The following ZBTB20 variants were observed in gnomAD, a reference collection of about 807,000 sequenced individuals.
ZBTB20 encodes zinc finger and BTB domain-containing protein 20.
A neutral mutation model predicts 56.9 loss-of-function variants in ZBTB20; 9 were observed. The observed-to-expected ratio is 0.16, with a 90% CI of 0.10 to 0.28. ZBTB20 has a LOEUF of 0.28. Ranked by LOEUF, ZBTB20 falls within the 10% of genes least tolerant of loss-of-function variation. ZBTB20 has a pLI of 1.00. For synonymous variants in ZBTB20, 417 were observed against 420.7 expected (o/e 0.99, Z 0.11); for missense variants, 655 against 1,003.0 (o/e 0.65, Z 4.69).
At chr3:115,112,662 T>C (rs1191272032) in intron 1 of ZBTB20, among the ~76,000 whole-genome samples, 2 of 152,336 alleles carry the variant, frequency 1.3e-5, no homozygotes, top group East Asian at 1.9e-4. Flanking sequence ...TAGTATTTCA[T>C]TGTGTGTATA....
chr3:114,807,912 T>C (rs1468538965), intron 4 of ZBTB20, among the ~76,000 whole-genome samples: 1 of 152,148 alleles, frequency 6.6e-6, no homozygotes, highest in Admixed American at 6.6e-5. Flanking sequence ...TGTTGAGTTT[T>C]GGTGTCTATA....
At chr3:114,815,999 A>G (rs1049034627) in intron 4 of ZBTB20, among the ~76,000 whole-genome samples, 59 of 152,330 alleles carry the variant, frequency 3.9e-4, no homozygotes, top group African/African-American at 1.3e-3. Flanking sequence ...GTAAAGTGCC[A>G]TAAAAGCCCC....
chr3:114,401,805 TAGGA>T (rs2086848870), intron 7 of ZBTB20, among the ~76,000 whole-genome samples: 1 of 151,874 alleles, frequency 6.6e-6, no homozygotes, highest in Non-Finnish European at 1.5e-5. Context: ...ATCACAAAGG[TAGGA>T]TTTTCTTTAA....
chr3:115,113,793 C>T (rs2083946368), intron 1 of ZBTB20, among the ~76,000 whole-genome samples: 1 of 152,144 alleles, frequency 6.6e-6, no homozygotes, highest in African/African-American at 2.4e-5. Flanking sequence ...CAGCATAATA[C>T]TTATAGGCTC....
intron 4 of ZBTB20, among the ~76,000 whole-genome samples, chr3:114,820,928 C>A (rs1360202189): frequency 1.3e-5 from 2 of 152,036 alleles, no homozygotes; most frequent in Non-Finnish European, 2.9e-5. Context: ...TGTTTTGGTA[C>A]CAATTTCAGG....
At chr3:114,989,425 T>C (rs1210359288) in intron 2 of ZBTB20, among the ~76,000 whole-genome samples, 2 of 152,188 alleles carry the variant, frequency 1.3e-5, no homozygotes, top group Non-Finnish European at 2.9e-5. Flanking sequence ...TGTGTGGTAT[T>C]ATTTCTGAGG....
At chr3:114,867,407 A>T (rs1269499527) in intron 4 of ZBTB20, among the ~76,000 whole-genome samples, 3 of 152,152 alleles carry the variant, frequency 2.0e-5, no homozygotes. Context: ...AAAGTGAAGG[A>T]ATTTATAGAA....
intron 7 of ZBTB20, among the ~76,000 whole-genome samples, chr3:114,390,698 C>T (rs1377854692): frequency 1.3e-5 from 2 of 152,192 alleles, no homozygotes; most frequent in African/African-American, 4.8e-5. Flanking sequence ...AGCTGCACAC[C>T]CACATTCTAA....
intron 2 of ZBTB20, among the ~76,000 whole-genome samples, chr3:115,037,943 T>C (rs1164839283): frequency 6.6e-6 from 1 of 152,236 alleles, no homozygotes; most frequent in Non-Finnish European, 1.5e-5. Flanking sequence ...TATTTTAATT[T>C]CCAAATACCA....
At chr3:114,956,160 T>C (rs1220133697) in intron 3 of ZBTB20, among the ~76,000 whole-genome samples, 1 of 152,170 alleles carries the variant, frequency 6.6e-6, no homozygotes, top group Non-Finnish European at 1.5e-5. Context: ...AGGAGCTGAA[T>C]TGAATGATCT....
At chr3:114,797,082 TC>T (rs1398004427) in intron 5 of ZBTB20, among the ~76,000 whole-genome samples, 1 of 151,804 alleles carries the variant, frequency 6.6e-6, no homozygotes, top group East Asian at 1.9e-4. Flanking sequence ...AATAATTTTA[TC>T]CCTTAATTAG....
chr3:114,793,900 T>C (rs1418949277), intron 5 of ZBTB20, among the ~76,000 whole-genome samples: 5 of 152,096 alleles, frequency 3.3e-5, no homozygotes, highest in Non-Finnish European at 5.9e-5. Flanking sequence ...AAGAGTTTTA[T>C]GGAGAGGGCA....
chr3:114,942,072 T>C (rs2076738880), intron 3 of ZBTB20, among the ~76,000 whole-genome samples: 1 of 146,230 alleles, frequency 6.8e-6, no homozygotes. Context: ...CTTCCCCTTA[T>C]AAATTCCTTT....
intron 3 of ZBTB20, among the ~76,000 whole-genome samples, chr3:114,944,631 C>A (rs1690856515): frequency 6.9e-6 from 1 of 145,558 alleles, no homozygotes; most frequent in African/African-American, 2.8e-5. Context: ...ATACACACAA[C>A]AGAATAATAT....
At chr3:114,550,005 T>A (rs2684293) in intron 6 of ZBTB20, among the ~76,000 whole-genome samples, 4,142 of 152,242 alleles carry the variant, frequency 0.027, 189 homozygotes, top group African/African-American at 0.089. Flanking sequence ...TGGCGCGATC[T>A]CAGCTCACTG....
At chr3:114,366,559 G>A (rs2082421540) in intron 10 of ZBTB20, 1 of 152,164 alleles carries the variant, frequency 6.6e-6, no homozygotes, top group East Asian at 1.9e-4. Context: ...GACTCAGTAA[G>A]TTATTATTTT....
At chr3:114,645,573 C>T (rs189132297) in intron 6 of ZBTB20, among the ~76,000 whole-genome samples, 27 of 152,244 alleles carry the variant, frequency 1.8e-4, no homozygotes, top group African/African-American at 6.3e-4. Context: ...GTTTACAATG[C>T]ATAGCATTGT....
At chr3:115,137,286 CTTT>C (rs1477604849) in intron 1 of ZBTB20, among the ~76,000 whole-genome samples, 1 of 151,882 alleles carries the variant, frequency 6.6e-6, no homozygotes, top group Non-Finnish European at 1.5e-5. Context: ...CTTTTGAAAA[CTTT>C]TTAAGTTTTT....
intron 5 of ZBTB20, among the ~76,000 whole-genome samples, chr3:114,715,681 C>T (rs552923261): frequency 6.6e-6 from 1 of 152,320 alleles, no homozygotes; most frequent in South Asian, 2.1e-4. Context: ...CGTCTTGCTT[C>T]ACTCAGCACA....
Sources: allele counts gnomAD v4.1 joint callset (sites outside exome capture counted in the v4.1 genomes callset), GRCh38; gene constraint gnomAD v4.1.1; transcripts MANE v1.5; gene names NCBI Gene and HGNC (gene_info 2026-07-23, HGNC 2026-07-21).